Variants in NR2C2 observed in about 807,000 individuals in gnomAD.
NR2C2 encodes Nuclear hormone receptor TR4.
A neutral mutation model predicts 62.9 loss-of-function variants in NR2C2; 6 were observed. That is an observed-to-expected ratio of 0.10 (90% CI 0.05 to 0.19). The LOEUF (loss-of-function observed/expected upper bound fraction) is 0.19. NR2C2 is among the 10% of genes least tolerant of loss of function. The probability of loss-of-function intolerance (pLI) is 1.00; values close to 1 mark genes in which losing one functional copy is unlikely to be tolerated. For missense variants in NR2C2, 479 were observed against 762.7 expected (o/e 0.63, Z 4.38); for synonymous variants, 272 against 273.8 (o/e 0.99, Z 0.07).
At chr3:15,033,209 A>C (rs114255758) in intron 10 of NR2C2, among the ~76,000 whole-genome samples, 43 of 152,328 alleles carry the variant, frequency 2.8e-4, no homozygotes, top group African/African-American at 1.0e-3. Context: ...AATGGAGGGC[A>C]GGGTTGTCTA....
intron 1 of NR2C2, among the ~76,000 whole-genome samples, chr3:14,988,622 T>G (rs911844898): frequency 3.3e-5 from 5 of 152,258 alleles, no homozygotes; most frequent in Non-Finnish European, 7.3e-5. Context: ...ATTTATTGGC[T>G]GTACTTATTC....
At chr3:15,036,011 G>C (rs928509523) in intron 11 of NR2C2, among the ~76,000 whole-genome samples, 2 of 152,122 alleles carry the variant, frequency 1.3e-5, no homozygotes, top group African/African-American at 4.8e-5. Context: ...CTGGGCAACA[G>C]AGCGAGACTC....
chr3:14,985,618 G>A (rs1253101810), intron 1 of NR2C2, among the ~76,000 whole-genome samples: 1 of 152,044 alleles, frequency 6.6e-6, no homozygotes, highest in Non-Finnish European at 1.5e-5. Flanking sequence ...AATCACACTG[G>A]TTATGATGTT....
rs1413062732 is a variant in NR2C2, at chr3:15,020,332, T to C, written c.377-421T>C. ...AAGCCACACATGCACGTGTTTGCTA[T>C]GTGCCACTCGTGGCAGGACAGGGGC... On this transcript the variant is annotated intron_variant, in intron 4 of 13. Transcript: ENST00000425241. Among the ~76,000 whole-genome samples, 2 of 152,248 alleles carry C rather than the reference T, an allele frequency of 1.3e-5. 1 individual carries two copies. The highest frequency in any genetic ancestry group is 1.3e-4 in the Admixed American group (2 of 15,284).
intron 1 of NR2C2, among the ~76,000 whole-genome samples, chr3:14,977,939 ACT>A (rs1256737848): frequency 7.0e-6 from 1 of 143,284 alleles, no homozygotes; most frequent in East Asian, 2.0e-4. Flanking sequence ...ACAGAGTGAG[ACT>A]CTGCCTCAAA....
intron 1 of NR2C2, among the ~76,000 whole-genome samples, chr3:14,980,245 G>A (rs1185950458): frequency 2.0e-5 from 3 of 151,798 alleles, no homozygotes; most frequent in Non-Finnish European, 4.4e-5. Context: ...TGAACTGCTG[G>A]GCTCAAGCAG....
At chr3:15,037,255 G>C (rs1407204699) in intron 11 of NR2C2, among the ~76,000 whole-genome samples, 1 of 150,730 alleles carries the variant, frequency 6.6e-6, no homozygotes, top group African/African-American at 2.4e-5. Context: ...GTTTTTTGTA[G>C]AGACAGAGTC....
Position 15,003,977 on chromosome 3 carries a change from G to C in NR2C2, c.63G>C (p.Gln21His). ...CCGACTCTGCTGTAGCCTCACCTCA[G>C]CGCATTCAGGTACCTGCAACCTGCC... is the stretch of plus-strand genomic sequence containing the variant. ...ISTDSAVASP[Q>H]RIQIVTDQQT... Residue 21 changes from glutamine (Q) to histidine (H), a missense_variant, in exon 2 of 14, where the codon CAG becomes CAC. By Grantham distance (24) the Gln-to-His change is conservative. Around this residue, in one of 4 missense-constraint regions of NR2C2, gnomAD observed 115 missense variants for 152.3 expected, o/e 0.76. Transcript: ENST00000425241. The C allele has an allele frequency of 1.2e-6, 2 of 1,608,278 alleles. No individual in the cohort carries two copies. Among genetic ancestry groups the C allele is most frequent in the Non-Finnish European group, 1.7e-6 (2 of 1,177,864 alleles).
In NR2C2 at chr3:15,044,513, A is replaced by C. The variant is rs1353751828; in HGVS notation, c.*1505A>C. On this transcript the variant is annotated 3_prime_UTR_variant, in exon 14 of 14. Transcript: ENST00000425241. ...CACCCGTAAATTCCCACGGATGTGA[A>C]TATATAGCAAGCTTTTCCTGTTTGA... 1 of 152,250 alleles carries C rather than the reference A, an allele frequency of 6.6e-6. No homozygotes were observed. Among genetic ancestry groups the C allele is most frequent in the Non-Finnish European group, 1.5e-5 (1 of 68,042 alleles). 9.4% of individuals were successfully genotyped at this position (152,250 alleles called of 1,614,324 possible).
At chr3:14,970,411 A>G (rs1245924565) in intron 1 of NR2C2, among the ~76,000 whole-genome samples, 2 of 152,148 alleles carry the variant, frequency 1.3e-5, no homozygotes, top group East Asian at 3.9e-4. Context: ...TTCTGTAACC[A>G]TCACCACCAT....
intron 2 of NR2C2, among the ~76,000 whole-genome samples, chr3:15,006,022 A>G (rs1051544442): frequency 3.9e-5 from 6 of 152,068 alleles, no homozygotes; most frequent in African/African-American, 1.4e-4. Context: ...CCTGGGCAAC[A>G]AAGTGAGATT....
intron 1 of NR2C2, among the ~76,000 whole-genome samples, chr3:14,956,908 A>G (rs922830424): frequency 6.6e-6 from 1 of 152,180 alleles, no homozygotes; most frequent in African/African-American, 2.4e-5. Context: ...TGAAAATCAG[A>G]CCTATTCCTA....
At chr3:14,987,367 G>A (rs1433138802) in intron 1 of NR2C2, among the ~76,000 whole-genome samples, 1 of 152,166 alleles carries the variant, frequency 6.6e-6, no homozygotes, top group Non-Finnish European at 1.5e-5. Flanking sequence ...AGAGGTATGA[G>A]CCACCATGCC....
chr3:14,972,320 G>A (rs371610364), intron 1 of NR2C2, among the ~76,000 whole-genome samples: 156 of 151,722 alleles, frequency 1.0e-3, no homozygotes, highest in African/African-American at 3.6e-3. Context: ...GATTACAGGC[G>A]CACACCACCA....
At chr3:14,967,841 A>G (rs565404426) in intron 1 of NR2C2, among the ~76,000 whole-genome samples, 1 of 152,352 alleles carries the variant, frequency 6.6e-6, no homozygotes, top group East Asian at 1.9e-4. Flanking sequence ...CCGCATATCT[A>G]CAACTATCTT....
chr3:15,000,565 T>C (rs2124908295), intron 1 of NR2C2, among the ~76,000 whole-genome samples: 1 of 152,336 alleles, frequency 6.6e-6, no homozygotes, highest in Admixed American at 6.5e-5. Context: ...CACACAGTTT[T>C]AATTACCGTA....
intron 3 of NR2C2, 23 bp from the exon 4 acceptor site, chr3:15,016,129 G>T: frequency 6.3e-7 from 1 of 1,589,436 alleles, no homozygotes; most frequent in Non-Finnish European, 8.6e-7. Context: ...TGGCACCCCT[G>T]TTCGTTTCCT....
chr3:15,001,511 T>G (rs2041002098), intron 1 of NR2C2, among the ~76,000 whole-genome samples: 1 of 151,988 alleles, frequency 6.6e-6, no homozygotes, highest in Non-Finnish European at 1.5e-5. Context: ...TTTTTGTGTT[T>G]TTTAGTAGAG....
chr3:15,014,946 AT>A lies in NR2C2; in HGVS notation c.273+1158del, dbSNP rs565713163. The stretch of plus-strand genomic sequence containing the variant: ...CTGTTTTGGGTGGGGAGGTTCTACT[AT>A]GAAGAAACTTAAAGAAGGGAAGACT... On this transcript the variant is annotated intron_variant, in intron 3 of 13. Coordinates refer to ENST00000425241, the MANE Select transcript of NR2C2 (RefSeq NM_001291694.2). Among the ~76,000 whole-genome samples, 13 of 152,340 alleles carry A rather than the reference AT, an allele frequency of 8.5e-5. No homozygotes were observed. The East Asian group carries it at 2.1e-3, about 25-fold the overall frequency.
Sources: gnomAD v4.1 joint callset for allele counts (sites outside exome capture counted in the v4.1 genomes callset) on GRCh38, gnomAD v4.1.1 for gene constraint, gnomAD v4.1.1 regional missense constraint, MANE v1.5 for transcripts, NCBI Gene and HGNC (gene_info 2026-07-23, HGNC 2026-07-21) for gene names.